SYNJ1: variants seen among roughly 807,000 people sequenced by gnomAD.
SYNJ1 encodes synaptojanin 1, also known as polyphosphatidylinositol phosphatase SYNJ1.
SYNJ1 carries 78 observed loss-of-function variants against 168.2 expected under a neutral mutation model. The ratio of observed to expected loss-of-function variants is 0.46; its 90% CI spans 0.39 to 0.56. The LOEUF is 0.56. Among genes scored for constraint, SYNJ1 ranks in the 20% least tolerant of loss-of-function variants. The pLI is 0.00. For synonymous variants in SYNJ1, 539 were observed against 548.6 expected, an observed-to-expected ratio of 0.98 and a Z score of 0.24; for missense variants, 1,303 against 1,597.6, an observed-to-expected ratio of 0.82 and a Z score of 3.14.
chr21:32,646,432 G>A lies in SYNJ1; in HGVS notation c.3208C>T (p.Arg1070Ter), dbSNP rs1373545506. 1 of 1,614,094 alleles carries A rather than the reference G, an allele frequency of 6.2e-7. No individual in the cohort carries two copies. Among genetic ancestry groups the A allele is most frequent in the Non-Finnish European group, 8.5e-7 (1 of 1,180,010 alleles). The change falls in exon 24 of 33, where the codon CGA (arginine) becomes TGA (stop). Residue 1070 changes from arginine to a stop codon, truncating the protein, a stop_gained. Transcript: ENST00000674351. LOFTEE classifies it high-confidence loss of function. ...PVPSLPIRPSRAPSRTPGPPS... is the reference protein window; with the variant it reads ...PVPSLPIRPS ...GGCCCAGGAGTTCTTGACGGTGCTC[G>A]GCTTGGTCTGATGGGAAGGGAAGGT...
intron 14 of SYNJ1, among the ~76,000 whole-genome samples, chr21:32,671,800 G>A (rs2041200058): frequency 6.6e-6 from 1 of 152,120 alleles, no homozygotes; most frequent in African/African-American, 2.4e-5. Flanking sequence ...CCTCACGCTT[G>A]TAATCACAAC....
At chr21:32,689,797 C>G (rs1463394292) in intron 6 of SYNJ1, among the ~76,000 whole-genome samples, 7 of 152,322 alleles carry the variant, frequency 4.6e-5, no homozygotes, top group African/African-American at 1.7e-4. Flanking sequence ...AGGGGATTCT[C>G]TCTTTAATTT....
chr21:32,657,015 G>T lies in SYNJ1; in HGVS notation c.2567C>A (p.Thr856Asn), dbSNP rs1191504880. ...AGACTGCTTAAACCTGTGGTCAGAAGTCTTCAGCTCAGCTCTTCCATAGTG... is the reference window on the plus strand; with the variant it reads ...AGACTGCTTAAACCTGTGGTCAGAATTCTTCAGCTCAGCTCTTCCATAGTG... ...LLHYGRAELK[T>N]SDHRPVVALI... The change falls in exon 20 of 33, where the codon ACT (threonine) becomes AAT (asparagine). Residue 856 changes from threonine (T) to asparagine (N), a missense_variant. Thr to Asn is a moderately conservative substitution (Grantham distance 65). This residue lies in a region of SYNJ1 where 920 missense variants were observed against 1,208.8 expected (regional missense o/e 0.76). Transcript: ENST00000674351. 1.2e-5 allele frequency: 20 copies of T among 1,614,002 alleles called. No homozygotes were observed. Among genetic ancestry groups the T allele is most frequent in the Non-Finnish European group, 1.7e-5 (20 of 1,180,010 alleles).
chr21:32,712,107 T>C (rs1298467005), intron 2 of SYNJ1, among the ~76,000 whole-genome samples: 1 of 152,228 alleles, frequency 6.6e-6, no homozygotes, highest in Non-Finnish European at 1.5e-5. Context: ...GAGAATACAC[T>C]GTTCTTCCCC....
chr21:32,657,483 A>G (rs2040504359), intron 19 of SYNJ1, among the ~76,000 whole-genome samples: 2 of 152,224 alleles, frequency 1.3e-5, no homozygotes, highest in African/African-American at 2.4e-5. Flanking sequence ...TTTCACAAAA[A>G]TATTTCCTTG....
At chr21:32,634,062 T>G (rs1185739661) in intron 32 of SYNJ1, among the ~76,000 whole-genome samples, 2 of 152,212 alleles carry the variant, frequency 1.3e-5, no homozygotes, top group African/African-American at 4.8e-5. Flanking sequence ...CTATGGCAGA[T>G]AGAATCGTCT....
At chr21:32,716,057 T>C (rs753081899) in intron 2 of SYNJ1, among the ~76,000 whole-genome samples, 1 of 152,234 alleles carries the variant, frequency 6.6e-6, no homozygotes, top group Non-Finnish European at 1.5e-5. Context: ...AAACTCTATT[T>C]AAGCTGGAAA....
chr21:32,675,186 T>C (rs1048626468), intron 13 of SYNJ1, among the ~76,000 whole-genome samples: 6 of 152,240 alleles, frequency 3.9e-5, no homozygotes, highest in Non-Finnish European at 8.8e-5. Flanking sequence ...TAATCCATTC[T>C]ATATCAACAC....
rs193302766 is a variant in SYNJ1, at chr21:32,640,923, C to T, written c.3588+973G>A. On this transcript the variant is annotated intron_variant, in intron 29 of 32. Transcript: ENST00000674351. ...CTCACAAAAATCCTGACTTTCTTTT[C>T]CTATACTTATGGTATTCAACAGAAT... Among the ~76,000 whole-genome samples, 600 of 152,230 alleles carry T rather than the reference C, an allele frequency of 3.9e-3. 3 individuals are homozygous for T. The highest frequency in any genetic ancestry group is 6.3e-3 in the Non-Finnish European group (426 of 68,006).
chr21:32,639,186 C>G, intron 30 of SYNJ1, 61 bp from the exon 31 acceptor site: 1 of 1,470,110 alleles, frequency 6.8e-7, no homozygotes, highest in Non-Finnish European at 9.2e-7. Context: ...TTTTTTCCTT[C>G]TTTAGTGAAA....
chr21:32,661,668 C>G (rs906981135), intron 18 of SYNJ1, among the ~76,000 whole-genome samples: 4 of 152,066 alleles, frequency 2.6e-5, no homozygotes, highest in African/African-American at 9.7e-5. Context: ...ATCAGACTAT[C>G]AAAAATAGTT....
intron 23 of SYNJ1, 111 bp from the exon 24 acceptor site, chr21:32,646,713 G>A (rs2040088346): frequency 1.3e-6 from 1 of 747,256 alleles, no homozygotes; most frequent in Non-Finnish European, 2.3e-6. Context: ...TGAACATTAT[G>A]TCATTGCAAA....
At chr21:32,702,597 G>A (rs2042446205) in intron 2 of SYNJ1, among the ~76,000 whole-genome samples, 2 of 152,118 alleles carry the variant, frequency 1.3e-5, no homozygotes, top group Non-Finnish European at 2.9e-5. Flanking sequence ...CTAGCACTTA[G>A]CAATTACACA....
chr21:32,657,207 T>C (rs1163480563), intron 19 of SYNJ1, 87 bp from the exon 20 acceptor site: 19 of 870,322 alleles, frequency 2.2e-5, no homozygotes, highest in Non-Finnish European at 3.3e-5. Context: ...CTTCCTTTCA[T>C]GAGCTTCAGT....
At chr21:32,716,565 C>T (rs935941056) in intron 2 of SYNJ1, among the ~76,000 whole-genome samples, 3 of 152,196 alleles carry the variant, frequency 2.0e-5, no homozygotes, top group Non-Finnish European at 4.4e-5. Flanking sequence ...GTCTTTTCTT[C>T]CTTGGGCTAC....
At chr21:32,678,908 A>T (rs1432980314) in intron 11 of SYNJ1, 107 bp from the exon 12 acceptor site, 4 of 1,442,220 alleles carry the variant, frequency 2.8e-6, no homozygotes, top group South Asian at 1.3e-5. Context: ...ATTTTAGTAT[A>T]AAAAAGGACC....
chr21:32,715,149 TTAATTA>T (rs1246585816), intron 2 of SYNJ1, among the ~76,000 whole-genome samples: 4 of 152,176 alleles, frequency 2.6e-5, no homozygotes, highest in Admixed American at 2.6e-4. Context: ...AGAAATTTAT[TTAATTA>T]TAAGATTCTG....
Position 32,678,746 on chromosome 21 carries a change from C to T in SYNJ1, c.1409G>A (p.Ser470Asn). The change falls in exon 12 of 33, where the codon AGC becomes AAC. Residue 470 changes from serine to asparagine, a missense_variant. Coordinates refer to ENST00000674351, the MANE Select transcript of SYNJ1 (RefSeq NM_203446.3). ...TRTIQNNFFD[S>N]SKQEAIDVLL... Reference sequence around the variant, plus strand: ...AACATCAATGGCCTCTTGCTTGGAGCTGTCAAAGAAGTTATTCTGAATTGT... The same window carrying T: ...AACATCAATGGCCTCTTGCTTGGAGTTGTCAAAGAAGTTATTCTGAATTGT... 2 of 1,613,434 alleles carry T rather than the reference C, an allele frequency of 1.2e-6. No homozygotes were observed. Among genetic ancestry groups the T allele is most frequent in the Non-Finnish European group, 1.7e-6 (2 of 1,179,748 alleles).
At chr21:32,644,761 G>A (rs954342960) in intron 26 of SYNJ1, among the ~76,000 whole-genome samples, 1 of 151,340 alleles carries the variant, frequency 6.6e-6, no homozygotes, top group African/African-American at 2.4e-5. Flanking sequence ...TAAATGAATC[G>A]ACCACATTTA....
Sources: gnomAD v4.1 joint callset for allele counts (sites outside exome capture counted in the v4.1 genomes callset) on GRCh38, gnomAD v4.1.1 for gene constraint, gnomAD v4.1.1 regional missense constraint, MANE v1.5 for transcripts, NCBI Gene and HGNC (gene_info 2026-07-23, HGNC 2026-07-21) for gene names.